Variants in ACOT12 observed in about 807,000 individuals in gnomAD.
ACOT12 encodes the protein acetyl-coenzyme A thioesterase.
A neutral mutation model predicts 67.7 loss-of-function variants in ACOT12; 51 were observed. The observed-to-expected ratio is 0.75, with a 90% CI of 0.60 to 0.95. The LOEUF (loss-of-function observed/expected upper bound fraction) is 0.95, where lower values mean the gene tolerates loss of function less well. Among genes scored for constraint, ACOT12 ranks in the 40% least tolerant of loss-of-function variants. The pLI, the probability that ACOT12 is intolerant of heterozygous loss-of-function variation, is 0.00. For synonymous variants in ACOT12, 251 were observed against 244.6 expected, an observed-to-expected ratio of 1.03 and a Z score of -0.24; for missense variants, 734 against 708.1, an observed-to-expected ratio of 1.04 and a Z score of -0.41.
At chr5:81,332,095 C>T (rs1758846621) in intron 13 of ACOT12, among the ~76,000 whole-genome samples, 1 of 152,164 alleles carries the variant, frequency 6.6e-6, no homozygotes, top group Non-Finnish European at 1.5e-5. Flanking sequence ...ATCGACAGCC[C>T]CAGCTGACAA....
rs186079051 is a variant in ACOT12, at chr5:81,389,437, G to A, written c.128-3611C>T. On this transcript the variant is annotated intron_variant, in intron 1 of 14. Transcript: ENST00000307624. ...TTCTAATTGTTGTTCTCCTATATAC[G>A]GTGTTTCAGTCTGGCTGCATTCAAG... Among the ~76,000 whole-genome samples the A allele has an allele frequency of 5.9e-5, 9 of 152,206 alleles. No homozygotes were observed. In the East Asian group the frequency reaches 1.5e-3, roughly 26 times the overall value.
intron 3 of ACOT12, among the ~76,000 whole-genome samples, chr5:81,366,266 A>G (rs1018044358): frequency 6.6e-6 from 1 of 152,250 alleles, no homozygotes; most frequent in Non-Finnish European, 1.5e-5. Context: ...AAAGAAATAT[A>G]ACAAAAGCCA....
Position 81,330,449 on chromosome 5 carries a change from G to C in ACOT12, c.1613C>G (p.Ser538Cys). ...AGGATTCTCTAAGAACTGTATACAA[G>C]AGGCTGCTGTTTCTTCAATGGATTT... ...WSKSIEETAA[S>C]CIQFLENPPD... The change falls in exon 15 of 15, where the codon TCT (serine) becomes TGT (cysteine). Residue 538 changes from serine (S) to cysteine (C), a missense_variant. Physicochemically the swap from Ser to Cys is moderately radical, Grantham distance 112. Transcript: ENST00000307624. 1 of 1,614,146 alleles carries C rather than the reference G, an allele frequency of 6.2e-7. No individual in the cohort carries two copies. Among genetic ancestry groups the C allele is most frequent in the Non-Finnish European group, 8.5e-7 (1 of 1,179,998 alleles).
At chr5:81,382,522 C>T (rs1021999877) in intron 2 of ACOT12, among the ~76,000 whole-genome samples, 4 of 152,206 alleles carry the variant, frequency 2.6e-5, no homozygotes, top group Middle Eastern at 3.4e-3. Flanking sequence ...ATTGCCCAGG[C>T]GCAGTGGCTC....
At chr5:81,375,602 G>T (rs1220200645) in intron 2 of ACOT12, among the ~76,000 whole-genome samples, 1 of 151,718 alleles carries the variant, frequency 6.6e-6, no homozygotes, top group Non-Finnish European at 1.5e-5. Context: ...CATCTCCCGT[G>T]CAAAGACATA....
intron 11 of ACOT12, among the ~76,000 whole-genome samples, chr5:81,337,735 A>T (rs1759048641): frequency 6.6e-6 from 1 of 152,220 alleles, no homozygotes; most frequent in African/African-American, 2.4e-5. Context: ...TCTTGGTCTC[A>T]GACTACCAGC....
intron 12 of ACOT12, among the ~76,000 whole-genome samples, chr5:81,334,566 C>T (rs1758937109): frequency 2.0e-5 from 3 of 152,298 alleles, no homozygotes; most frequent in Non-Finnish European, 2.9e-5. Context: ...TAACACGTGA[C>T]CTCAGAGATG....
At chr5:81,347,718 T>C in intron 6 of ACOT12, 56 bp downstream of exon 6, 1 of 1,581,200 alleles carries the variant, frequency 6.3e-7, no homozygotes. Flanking sequence ...CTCAGTCCCT[T>C]TCTACTTTCT....
chr5:81,382,700 G>T (rs1197089181), intron 2 of ACOT12, among the ~76,000 whole-genome samples: 1 of 151,998 alleles, frequency 6.6e-6, no homozygotes, highest in African/African-American at 2.4e-5. Flanking sequence ...ACTTCGGGAG[G>T]CTGAGGCAGG....
chr5:81,351,963 C>A (rs1759565525), intron 5 of ACOT12, among the ~76,000 whole-genome samples: 1 of 152,140 alleles, frequency 6.6e-6, no homozygotes, highest in South Asian at 2.1e-4. Flanking sequence ...ATAGACATTT[C>A]TCAAAAGAAG....
At chr5:81,351,225 T>C (rs956952722) in intron 5 of ACOT12, among the ~76,000 whole-genome samples, 3 of 152,228 alleles carry the variant, frequency 2.0e-5, no homozygotes, top group Non-Finnish European at 4.4e-5. Context: ...AAAATTGATT[T>C]TATTTGAAGA....
the ACOT12 span, among the ~76,000 whole-genome samples, chr5:81,318,719 T>G: frequency 4.6e-5 from 7 of 152,214 alleles, no homozygotes; most frequent in Non-Finnish European, 1.0e-4. Flanking sequence ...TTTAAGTTTT[T>G]ACCTAGCTTC....
Position 81,331,277 on chromosome 5 carries a change from C to T in ACOT12, c.1392-337G>A, listed in dbSNP as rs149807347. On this transcript the variant is annotated intron_variant, in intron 13 of 14. Coordinates refer to ENST00000307624, the MANE Select transcript of ACOT12 (RefSeq NM_130767.3). ...AACAGGCCGGGTGCAGTGGCTCACGCCTGTAATCCCAGCACTTTGGGAGGC... is the reference window on the plus strand; with the variant it reads ...AACAGGCCGGGTGCAGTGGCTCACGTCTGTAATCCCAGCACTTTGGGAGGC... 2.1e-3 allele frequency among the ~76,000 whole-genome samples: 325 copies of T among 152,368 alleles called. 1 individual carries two copies. The highest frequency in any genetic ancestry group is 6.8e-3 in the Middle Eastern group (2 of 294).
intron 3 of ACOT12, among the ~76,000 whole-genome samples, chr5:81,371,545 G>A (rs1260208412): frequency 6.6e-6 from 1 of 152,128 alleles, no homozygotes; most frequent in African/African-American, 2.4e-5. Flanking sequence ...GAGCTACCAT[G>A]CCTGGCCATG....
chr5:81,344,810 T>C, intron 8 of ACOT12, 81 bp downstream of exon 8: 1 of 1,527,428 alleles, frequency 6.5e-7, no homozygotes, highest in Non-Finnish European at 9.0e-7. Context: ...GCCAAAGAGG[T>C]TGTTGCCGGT....
intron 3 of ACOT12, among the ~76,000 whole-genome samples, chr5:81,370,023 G>A (rs935395275): frequency 6.6e-6 from 1 of 152,168 alleles, no homozygotes; most frequent in Non-Finnish European, 1.5e-5. Context: ...TCACGCCTGT[G>A]ATCGATCCTA....
chr5:81,324,798 A>T, the ACOT12 span, among the ~76,000 whole-genome samples: 1 of 152,216 alleles, frequency 6.6e-6, no homozygotes, highest in Non-Finnish European at 1.5e-5. Context: ...CTCAGAGACT[A>T]AGTAAGTCAA....
intron 11 of ACOT12, among the ~76,000 whole-genome samples, chr5:81,336,310 T>C (rs989750050): frequency 6.6e-6 from 1 of 152,156 alleles, no homozygotes; most frequent in Admixed American, 6.5e-5. Flanking sequence ...GTCAAGGCTA[T>C]AGCTTAGGAC....
At chr5:81,386,530 A>C (rs1760728766) in intron 1 of ACOT12, among the ~76,000 whole-genome samples, 1 of 152,078 alleles carries the variant, frequency 6.6e-6, no homozygotes. Flanking sequence ...TTTGCTTTAC[A>C]TAAAAAACAC....
Sources: allele counts gnomAD v4.1 joint callset (sites outside exome capture counted in the v4.1 genomes callset), GRCh38; gene constraint gnomAD v4.1.1; transcripts MANE v1.5; gene names NCBI Gene and HGNC (gene_info 2026-07-23, HGNC 2026-07-21).